IL17RD: variants seen among roughly 807,000 people sequenced by gnomAD.
The protein encoded by IL17RD is interleukin-17 receptor D.
IL17RD carries 52 observed loss-of-function variants against 80.5 expected under a neutral mutation model. That is an observed-to-expected ratio of 0.65 (90% CI 0.52 to 0.81). IL17RD has a LOEUF of 0.81. IL17RD is among the 40% of genes least tolerant of loss of function. The pLI is 0.00. For missense variants in IL17RD, 1,024 were observed against 955.1 expected (o/e 1.07, Z -0.95); for synonymous variants, 416 against 391.8 (o/e 1.06, Z -0.73).
chr3:57,106,237 G>T, intron 5 of IL17RD, 83 bp from the exon 6 acceptor site: 1 of 995,926 alleles, frequency 1.0e-6, no homozygotes, highest in Non-Finnish European at 1.6e-6. Context: ...GAAATATAAA[G>T]ATACTGTGCC....
intron 2 of IL17RD, among the ~76,000 whole-genome samples, chr3:57,117,771 G>A (rs972977692): frequency 2.0e-5 from 3 of 152,132 alleles, no homozygotes; most frequent in Admixed American, 2.0e-4. Context: ...ACACAGCCTG[G>A]ATCCAATTAC....
upstream of IL17RD, among the ~76,000 whole-genome samples, chr3:57,165,739 G>A (rs1162481538): frequency 6.6e-6 from 1 of 152,142 alleles, no homozygotes; most frequent in Non-Finnish European, 1.5e-5. Flanking sequence ...ACAAGGAAGT[G>A]TATTATTGTT....
chr3:57,153,893 C>T (rs912658234), intron 1 of IL17RD, among the ~76,000 whole-genome samples: 2 of 151,770 alleles, frequency 1.3e-5, no homozygotes, highest in Non-Finnish European at 2.9e-5. Context: ...TAGCTGCCTG[C>T]TTGAGGGGTT....
intron 1 of IL17RD, chr3:57,142,384 CA>C (rs1405996413): frequency 2.3e-5 from 13 of 559,630 alleles, no homozygotes; most frequent in Non-Finnish European, 3.4e-5. Context: ...GAGGGAGAAA[CA>C]AAGGGTAGGA....
At chr3:57,153,964 G>T (rs1011043108) in intron 1 of IL17RD, among the ~76,000 whole-genome samples, 1 of 152,052 alleles carries the variant, frequency 6.6e-6, no homozygotes, top group African/African-American at 2.4e-5. Context: ...GTATGCTCTA[G>T]GCAGGGCATG....
chr3:57,112,864 G>T (rs543348860), intron 3 of IL17RD, among the ~76,000 whole-genome samples: 1 of 152,280 alleles, frequency 6.6e-6, no homozygotes, highest in African/African-American at 2.4e-5. Flanking sequence ...GTAACATCAG[G>T]TGGCAGTGTC....
intron 1 of IL17RD, among the ~76,000 whole-genome samples, chr3:57,133,111 A>T (rs551333712): frequency 2.5e-4 from 38 of 152,342 alleles, no homozygotes; most frequent in African/African-American, 8.4e-4. Context: ...AAAGCAAAGG[A>T]CACCATCGCT....
chr3:57,165,019 G>T, intron 1 of IL17RD, 142 bp downstream of exon 1: 2 of 1,342,144 alleles, frequency 1.5e-6, no homozygotes, highest in Non-Finnish European at 1.9e-6. Context: ...AGGAGGATGC[G>T]CGGGAGGAGT....
At chr3:57,113,819 A>G (rs918090892) in intron 3 of IL17RD, among the ~76,000 whole-genome samples, 6 of 152,082 alleles carry the variant, frequency 3.9e-5, no homozygotes, top group African/African-American at 1.4e-4. Context: ...CTGAGATTAC[A>G]GGTGTAAGCC....
intron 1 of IL17RD, among the ~76,000 whole-genome samples, chr3:57,144,516 G>A (rs897067756): frequency 1.3e-5 from 2 of 152,082 alleles, no homozygotes; most frequent in Non-Finnish European, 2.9e-5. Context: ...TGTCTCCCTG[G>A]TCCCTTTAAG....
In IL17RD at chr3:57,103,148, G is replaced by A. The variant is rs199962100; in HGVS notation, c.814-3C>T. The A allele has an allele frequency of 4.0e-4, 644 of 1,600,236 alleles. No homozygotes were observed. The highest frequency in any genetic ancestry group is 5.2e-4 in the Non-Finnish European group (608 of 1,172,356). On this transcript the variant is annotated splice_region_variant and splice_polypyrimidine_tract_variant and intron_variant, in intron 8 of 12. Transcript: ENST00000296318. ...GTTGTGTTAGTGTCATCCACCAGCT[G>A]CAAAACAGAGGATGCTGCATTATTT...
intron 7 of IL17RD, 44 bp downstream of exon 7, chr3:57,105,813 C>T: frequency 1.3e-6 from 2 of 1,582,824 alleles, no homozygotes; most frequent in Non-Finnish European, 1.7e-6. Context: ...CTGGGGGTCG[C>T]TTTGAAACAC....
intron 1 of IL17RD, among the ~76,000 whole-genome samples, chr3:57,124,575 A>G (rs1194565258): frequency 6.6e-6 from 1 of 152,200 alleles, no homozygotes; most frequent in Admixed American, 6.5e-5. Context: ...GGAGACTGAA[A>G]AAGGCAAGGA....
intron 1 of IL17RD, among the ~76,000 whole-genome samples, chr3:57,144,093 C>A (rs1707881617): frequency 6.6e-6 from 1 of 152,162 alleles, no homozygotes; most frequent in African/African-American, 2.4e-5. Context: ...GCAAAGAGCC[C>A]CTAGTAAACT....
chr3:57,162,281 T>C (rs538679332), intron 1 of IL17RD, among the ~76,000 whole-genome samples: 1 of 152,344 alleles, frequency 6.6e-6, no homozygotes, highest in African/African-American at 2.4e-5. Context: ...GACTTGGTGC[T>C]GCACCTTGCT....
chr3:57,117,771 G>T (rs972977692), intron 2 of IL17RD, among the ~76,000 whole-genome samples: 1 of 152,132 alleles, frequency 6.6e-6, no homozygotes, highest in East Asian at 1.9e-4. Context: ...ACACAGCCTG[G>T]ATCCAATTAC....
chr3:57,150,046 C>T (rs937710368), intron 1 of IL17RD, among the ~76,000 whole-genome samples: 5 of 152,146 alleles, frequency 3.3e-5, no homozygotes, highest in South Asian at 2.1e-4. Flanking sequence ...GGTAGTCAAG[C>T]CCTCCCTCCA....
rs1872943 is a variant in IL17RD at position 57,118,503 on chromosome 3, C to T, written c.184+1753G>A. Among the ~76,000 whole-genome samples the T allele has an allele frequency of 4.6e-5, 7 of 152,236 alleles. No individual in the cohort carries two copies. The East Asian group carries it at 1.2e-3, about 25-fold the overall frequency. On this transcript the variant is annotated intron_variant, in intron 2 of 12. Transcript: ENST00000296318. ...TCCAAGAGATTAATCAGATGCCAGACGTCACTAAATATGAGTCAAGTTCCT... is the reference window on the plus strand; with the variant it reads ...TCCAAGAGATTAATCAGATGCCAGATGTCACTAAATATGAGTCAAGTTCCT...
chr3:57,127,877 G>C (rs1707528714), intron 1 of IL17RD, among the ~76,000 whole-genome samples: 1 of 152,202 alleles, frequency 6.6e-6, no homozygotes, highest in Non-Finnish European at 1.5e-5. Flanking sequence ...CTCCATGCCA[G>C]TTCAGATGGT....
Sources: gnomAD v4.1 joint callset for allele counts (sites outside exome capture counted in the v4.1 genomes callset) on GRCh38, gnomAD v4.1.1 for gene constraint, MANE v1.5 for transcripts, NCBI Gene and HGNC (gene_info 2026-07-23, HGNC 2026-07-21) for gene names.